Variants in TNFSF4 observed in about 807,000 individuals in gnomAD.
TNFSF4 encodes TNF superfamily member 4.
A neutral mutation model predicts 7.3 loss-of-function variants in TNFSF4; 4 were observed. That is an observed-to-expected ratio of 0.55 (90% CI 0.27 to 1.25). The LOEUF (loss-of-function observed/expected upper bound fraction) is 1.25. Among genes scored for constraint, TNFSF4 ranks in the 50% most tolerant of loss-of-function variants. The pLI, the probability that TNFSF4 is intolerant of heterozygous loss-of-function variation, is 0.12. For missense variants in TNFSF4, 181 were observed against 208.8 expected, an observed-to-expected ratio of 0.87 and a Z score of 0.82; for synonymous variants, 76 against 83.7, an observed-to-expected ratio of 0.91 and a Z score of 0.50.
At chr1:173,260,173 TG>T in the TNFSF4 span, among the ~76,000 whole-genome samples, 1 of 152,284 alleles carries the variant, frequency 6.6e-6, no homozygotes, top group African/African-American at 2.4e-5. Context: ...CAGAAGTGTT[TG>T]GGGGCCAATA....
the TNFSF4 span, among the ~76,000 whole-genome samples, chr1:173,228,080 G>C: frequency 6.6e-6 from 1 of 152,180 alleles, no homozygotes; most frequent in East Asian, 1.9e-4. Flanking sequence ...AAGAGGAGTA[G>C]TGGTTGTTCC....
At chr1:173,286,499 A>G in the TNFSF4 span, among the ~76,000 whole-genome samples, 1 of 152,230 alleles carries the variant, frequency 6.6e-6, no homozygotes, top group Admixed American at 6.5e-5. Context: ...CAGTCAGGAA[A>G]GTACAGTCAA....
chr1:173,420,871 C>G, the TNFSF4 span, among the ~76,000 whole-genome samples: 1 of 152,182 alleles, frequency 6.6e-6, no homozygotes, highest in South Asian at 2.1e-4. Flanking sequence ...AATTTAGAGT[C>G]AGAAACTTTT....
the TNFSF4 span, among the ~76,000 whole-genome samples, chr1:173,337,554 T>A: frequency 2.0e-5 from 3 of 152,202 alleles, no homozygotes; most frequent in Non-Finnish European, 1.5e-5. Flanking sequence ...AGCCTTGGTT[T>A]ACAGACAGGT....
At chr1:173,350,650 A>G in the TNFSF4 span, among the ~76,000 whole-genome samples, 1 of 152,340 alleles carries the variant, frequency 6.6e-6, no homozygotes, top group East Asian at 1.9e-4. Flanking sequence ...CAACTCTTCC[A>G]TGTAGCAGCT....
At chr1:173,230,052 C>T in the TNFSF4 span, among the ~76,000 whole-genome samples, 1 of 152,040 alleles carries the variant, frequency 6.6e-6, no homozygotes, top group African/African-American at 2.4e-5. Flanking sequence ...AGGATATCCA[C>T]GAATTGAAAT....
At chr1:173,228,518 C>T in the TNFSF4 span, among the ~76,000 whole-genome samples, 35 of 152,194 alleles carry the variant, frequency 2.3e-4, no homozygotes, top group African/African-American at 7.7e-4. Context: ...AAAATCAGAG[C>T]GCCTCTCCCC....
chr1:173,191,195 C>T (rs769921416), intron 1 of TNFSF4, among the ~76,000 whole-genome samples: 1 of 152,076 alleles, frequency 6.6e-6, no homozygotes, highest in African/African-American at 2.4e-5. Flanking sequence ...TTCTCTGGGA[C>T]GATGATGCTG....
chr1:173,185,150 G>A lies in TNFSF4; in HGVS notation c.*1366C>T, dbSNP rs372532256. On this transcript the variant is annotated 3_prime_UTR_variant, in exon 3 of 3. Transcript: ENST00000281834. Reference sequence around the variant, plus strand: ...GAATCATCCAGAAAGATTCTGTGATGTTGTATCCTCTATTGAAAATGTCAG... The same window carrying A: ...GAATCATCCAGAAAGATTCTGTGATATTGTATCCTCTATTGAAAATGTCAG... 1 of 152,170 alleles carries A rather than the reference G, an allele frequency of 6.6e-6. No individual in the cohort carries two copies. Among genetic ancestry groups the A allele is most frequent in the Non-Finnish European group, 1.5e-5 (1 of 68,034 alleles). 9.4% of individuals were successfully genotyped at this position (152,170 alleles called of 1,614,324 possible). A position where few individuals can be genotyped will look rare whatever the true frequency, so the allele number is the denominator to read the frequency against.
chr1:173,248,132 G>A, the TNFSF4 span, among the ~76,000 whole-genome samples: 45 of 152,216 alleles, frequency 3.0e-4, no homozygotes, highest in Non-Finnish European at 6.0e-4. Flanking sequence ...GAGGCATGTG[G>A]ATCACGAGGT....
chr1:173,294,621 A>T, the TNFSF4 span, among the ~76,000 whole-genome samples: 3 of 152,048 alleles, frequency 2.0e-5, no homozygotes, highest in African/African-American at 7.2e-5. Flanking sequence ...AAACAAAACA[A>T]ACCCCCCAAA....
At chr1:173,404,868 G>A in the TNFSF4 span, among the ~76,000 whole-genome samples, 1 of 152,076 alleles carries the variant, frequency 6.6e-6, no homozygotes, top group Non-Finnish European at 1.5e-5. Context: ...CTGACCTCAA[G>A]TGGTCCACCT....
At chr1:173,222,182 G>T in the TNFSF4 span, among the ~76,000 whole-genome samples, 1 of 143,206 alleles carries the variant, frequency 7.0e-6, no homozygotes, top group Non-Finnish European at 1.5e-5. Flanking sequence ...TTATTATTTT[G>T]ACTACAGATC....
the TNFSF4 span, among the ~76,000 whole-genome samples, chr1:173,268,049 C>G: frequency 6.6e-6 from 1 of 152,068 alleles, no homozygotes; most frequent in Non-Finnish European, 1.5e-5. Flanking sequence ...ACTCTGAATC[C>G]TGCACCTGAC....
At chr1:173,197,970 T>C (rs933114042) in intron 1 of TNFSF4, among the ~76,000 whole-genome samples, 1 of 152,220 alleles carries the variant, frequency 6.6e-6, no homozygotes, top group Non-Finnish European at 1.5e-5. Flanking sequence ...TAAGAACTCT[T>C]TTCAGTCACG....
the TNFSF4 span, among the ~76,000 whole-genome samples, chr1:173,428,240 C>T: frequency 1.3e-5 from 2 of 152,218 alleles, no homozygotes; most frequent in African/African-American, 2.4e-5. Flanking sequence ...CCACCACGCC[C>T]GACCTCTATT....
chr1:173,199,501 G>T (rs1268648692), intron 1 of TNFSF4, among the ~76,000 whole-genome samples: 1 of 152,126 alleles, frequency 6.6e-6, no homozygotes, highest in Non-Finnish European at 1.5e-5. Flanking sequence ...GCAGAGCTTG[G>T]AGCAATACAG....
the TNFSF4 span, among the ~76,000 whole-genome samples, chr1:173,391,676 A>G: frequency 6.6e-6 from 1 of 151,988 alleles, no homozygotes; most frequent in East Asian, 1.9e-4. Context: ...CTCGATCTAA[A>G]TCAGTCTAAC....
At chr1:173,251,226 C>G in the TNFSF4 span, among the ~76,000 whole-genome samples, 1 of 152,190 alleles carries the variant, frequency 6.6e-6, no homozygotes, top group African/African-American at 2.4e-5. Flanking sequence ...ATAAAAACAG[C>G]TTTGCTCCCA....
Sources: gnomAD v4.1 joint callset for allele counts (sites outside exome capture counted in the v4.1 genomes callset) on GRCh38, gnomAD v4.1.1 for gene constraint, MANE v1.5 for transcripts, NCBI Gene and HGNC (gene_info 2026-07-23, HGNC 2026-07-21) for gene names.